The following UBE2E1 variants were observed in gnomAD, a reference collection of about 807,000 sequenced individuals.
The protein encoded by UBE2E1 is ubiquitin conjugating enzyme E2 E1.
A neutral mutation model predicts 21.4 loss-of-function variants in UBE2E1; 6 were observed. The observed-to-expected ratio is 0.28, with a 90% CI of 0.15 to 0.55. The LOEUF is 0.55. UBE2E1 is among the 20% of genes least tolerant of loss of function. UBE2E1 has a pLI of 0.93. For synonymous variants in UBE2E1, 87 were observed against 82.7 expected (o/e 1.05, Z -0.28); for missense variants, 142 against 236.5 (o/e 0.60, Z 2.62).
chr3:23,830,561 G>T (rs6791805), intron 3 of UBE2E1, among the ~76,000 whole-genome samples: 22,777 of 152,110 alleles, frequency 0.15, 2,669 homozygotes, highest in African/African-American at 0.32. Context: ...GCAGGTTTGG[G>T]GTTTTGGTTG....
chr3:23,817,426 AAAAAAAAAAAAAG>A (rs1699551489), intron 3 of UBE2E1, among the ~76,000 whole-genome samples: 1 of 145,426 alleles, frequency 6.9e-6, no homozygotes, highest in South Asian at 2.2e-4. Context: ...TGTCTCAAAA[AAAAAAAAAAAAAG>A]AAAGAAAAGA....
chr3:23,830,185 A>G (rs909244453), intron 3 of UBE2E1, among the ~76,000 whole-genome samples: 3 of 151,852 alleles, frequency 2.0e-5, no homozygotes, highest in African/African-American at 7.3e-5. Flanking sequence ...GCTTGCTTCT[A>G]GTTAAGTAGC....
At chr3:23,859,812 C>G (rs1202235811) in intron 3 of UBE2E1, among the ~76,000 whole-genome samples, 4 of 152,126 alleles carry the variant, frequency 2.6e-5, no homozygotes, top group African/African-American at 7.2e-5. Context: ...ACCTGCCCAT[C>G]CAGCAGGCAA....
chr3:23,883,831 G>A (rs1701110611), intron 3 of UBE2E1, among the ~76,000 whole-genome samples: 1 of 149,556 alleles, frequency 6.7e-6, no homozygotes, highest in South Asian at 2.1e-4. Flanking sequence ...CAAGAGAATC[G>A]CTTGAACCCA....
intron 2 of UBE2E1, 99 bp downstream of exon 2, chr3:23,807,520 A>G: frequency 6.9e-7 from 1 of 1,453,458 alleles, no homozygotes; most frequent in South Asian, 1.4e-5. Context: ...AACGCTCCTC[A>G]TGGTTTATGT....
In UBE2E1 at chr3:23,810,581, T is replaced by C. The variant is rs1011784218; in HGVS notation, c.153-879T>C. 9.9e-5 allele frequency: 148 copies of C among 1,498,158 alleles called. No homozygotes were observed. In the African/African-American group the frequency reaches 1.7e-3, roughly 17 times the overall value. 92.8% of individuals were successfully genotyped at this position (1,498,158 alleles called of 1,614,324 possible). A position where few individuals can be genotyped will look rare whatever the true frequency, so the allele number is the denominator to read the frequency against. On this transcript the variant is annotated intron_variant, in intron 2 of 5. Transcript: ENST00000306627. The surrounding 1 kb of genome is among the most constrained non-coding windows in gnomAD (Gnocchi z 5.8). ...GCCAGCGTGCGGGGCGGAGGCAGGGTCCGGTGCACCTGTGCGGCCGCGGGC... is the reference window on the plus strand; with the variant it reads ...GCCAGCGTGCGGGGCGGAGGCAGGGCCCGGTGCACCTGTGCGGCCGCGGGC...
At chr3:23,809,493 G>T (rs1417437566) in intron 2 of UBE2E1, among the ~76,000 whole-genome samples, 1 of 152,180 alleles carries the variant, frequency 6.6e-6, no homozygotes, top group African/African-American at 2.4e-5. Context: ...GTAGAGGAAA[G>T]CCCCCATTGC....
intron 3 of UBE2E1, among the ~76,000 whole-genome samples, chr3:23,859,101 T>C (rs1053137623): frequency 1.7e-4 from 26 of 152,206 alleles, no homozygotes; most frequent in African/African-American, 6.3e-4. Flanking sequence ...ATTGCTAGTC[T>C]AAACTTACTA....
chr3:23,830,434 T>TGTTTGTTTTA (rs993747084), intron 3 of UBE2E1, among the ~76,000 whole-genome samples: 45 of 152,068 alleles, frequency 3.0e-4, no homozygotes, highest in Non-Finnish European at 1.3e-4. Flanking sequence ...TTTTTGTTTT[T>TGTTTGTTTTA]GTTTGTTTTT....
intron 3 of UBE2E1, among the ~76,000 whole-genome samples, chr3:23,814,634 G>T (rs1448010520): frequency 6.6e-6 from 1 of 152,186 alleles, no homozygotes; most frequent in East Asian, 1.9e-4. Flanking sequence ...CCTAAAGCGT[G>T]CCAGATCTTA....
At chr3:23,822,670 T>A (rs1050334221) in intron 3 of UBE2E1, among the ~76,000 whole-genome samples, 1 of 152,400 alleles carries the variant, frequency 6.6e-6, no homozygotes, top group African/African-American at 2.4e-5. Context: ...AGTAAATTGC[T>A]GCTGCCATCC....
At chr3:23,841,428 A>T (rs921127885) in intron 3 of UBE2E1, among the ~76,000 whole-genome samples, 1 of 152,018 alleles carries the variant, frequency 6.6e-6, no homozygotes, top group Admixed American at 6.5e-5. Flanking sequence ...TCAGAATTAG[A>T]TGTGCTTTGA....
intron 3 of UBE2E1, among the ~76,000 whole-genome samples, chr3:23,883,702 G>C (rs1230190526): frequency 6.6e-6 from 1 of 152,042 alleles, no homozygotes; most frequent in Non-Finnish European, 1.5e-5. Flanking sequence ...CGGATCACAA[G>C]GTCAGGAGTT....
chr3:23,857,481 A>G (rs778586409), intron 3 of UBE2E1, among the ~76,000 whole-genome samples: 7 of 152,214 alleles, frequency 4.6e-5, no homozygotes, highest in Non-Finnish European at 7.3e-5. Context: ...TAAAGAACAC[A>G]TTCAGTACTT....
intron 4 of UBE2E1, chr3:23,888,300 C>T (rs1395887593): frequency 4.4e-6 from 2 of 456,608 alleles, no homozygotes; most frequent in Non-Finnish European, 8.8e-6. Flanking sequence ...TGTACTCAAT[C>T]TATGATTCTC....
rs1241354957 is a variant in UBE2E1, at chr3:23,810,087, C to T, written c.153-1373C>T. Among the ~76,000 whole-genome samples the T allele has an allele frequency of 3.3e-5, 5 of 152,180 alleles. No homozygotes were observed. Among genetic ancestry groups the T allele is most frequent in the African/African-American group, 1.2e-4 (5 of 41,428 alleles). On this transcript the variant is annotated intron_variant, in intron 2 of 5. Coordinates refer to ENST00000306627, the MANE Select transcript of UBE2E1 (RefSeq NM_003341.5). This position sits in a 1 kb window ranked among gnomAD's most constrained non-coding sequence, Gnocchi z 5.8. ...TATAGCTCGTCCGTCCTCCTACCCG[C>T]AGAAAACCTTTGGAAAGGAAAACGT...
In UBE2E1 at chr3:23,889,275, C is replaced by G. The variant is rs751230695; in HGVS notation, c.484+16C>G. The G allele has an allele frequency of 6.2e-7, 1 of 1,613,472 alleles. No homozygotes were observed. Among genetic ancestry groups the G allele is most frequent in the Admixed American group, 1.7e-5 (1 of 59,984 alleles). ...TGTAATCCTGGTAAGGTTCATAATT[C>G]TTTACCTTGTTTTATTCTTCCTTAC... On this transcript the variant is annotated intron_variant, in intron 5 of 5. Transcript: ENST00000306627.
At position 23,891,035 on chromosome 3, in the gene UBE2E1, A is replaced by C. The variant is rs1243150488; in HGVS notation, c.*429A>C. On this transcript the variant is annotated 3_prime_UTR_variant, in exon 6 of 6. Coordinates refer to ENST00000306627, the MANE Select transcript of UBE2E1 (RefSeq NM_003341.5). Reference sequence around the variant, plus strand: ...GGAAGGGAACATTGATATTTAACAGAGTTTTTAGAGATTGTCATCTCATAT... The same window carrying C: ...GGAAGGGAACATTGATATTTAACAGCGTTTTTAGAGATTGTCATCTCATAT... 6.5e-6 allele frequency: 1 copy of C among 153,342 alleles called. No homozygotes were observed. The highest frequency in any genetic ancestry group is 1.5e-5 in the Non-Finnish European group (1 of 68,608). The allele number at this position is 153,342 out of a possible 1,614,324, so 9.5% of individuals were successfully genotyped here.
chr3:23,833,187 C>T (rs1336538302), intron 3 of UBE2E1, among the ~76,000 whole-genome samples: 1 of 152,024 alleles, frequency 6.6e-6, no homozygotes. Flanking sequence ...TTTTATTTTC[C>T]ATAACGTACC....
Sources: gnomAD v4.1 joint callset for allele counts (sites outside exome capture counted in the v4.1 genomes callset) on GRCh38, gnomAD v4.1.1 for gene constraint, Gnocchi (gnomAD v3.1) non-coding constraint, MANE v1.5 for transcripts, NCBI Gene and HGNC (gene_info 2026-07-23, HGNC 2026-07-21) for gene names.